The following UTRN variants were observed in gnomAD, a reference collection of about 807,000 sequenced individuals.
The protein encoded by UTRN is dystrophin-related protein 1.
In UTRN, 283 loss-of-function variants were observed where a neutral mutation model predicts 463.9. The observed-to-expected ratio is 0.61, with a 90% CI of 0.55 to 0.67. The LOEUF is 0.67. Ranked by LOEUF, UTRN falls within the 30% of genes least tolerant of loss-of-function variation. The pLI is 0.00. For synonymous variants in UTRN, 1,442 were observed against 1,431.5 expected (o/e 1.01, Z -0.17); for missense variants, 3,922 against 4,084.3 (o/e 0.96, Z 1.08).
intron 2 of UTRN, among the ~76,000 whole-genome samples, chr6:144,305,423 C>A (rs1020214319): frequency 6.6e-6 from 1 of 152,116 alleles, no homozygotes; most frequent in African/African-American, 2.4e-5. Flanking sequence ...TCAGTTTTAT[C>A]TATAATATTT....
chr6:144,312,544 T>TA (rs1161964406), intron 2 of UTRN, among the ~76,000 whole-genome samples: 1 of 152,234 alleles, frequency 6.6e-6, no homozygotes, highest in African/African-American at 2.4e-5. Context: ...AATAAGCATG[T>TA]AAAAATAGTT....
At chr6:144,623,050 A>T (rs952226426) in intron 51 of UTRN, among the ~76,000 whole-genome samples, 24 of 152,186 alleles carry the variant, frequency 1.6e-4, no homozygotes, top group Admixed American at 3.3e-4. Context: ...TTATAAAGGA[A>T]TCTCCTAGAT....
intron 48 of UTRN, among the ~76,000 whole-genome samples, chr6:144,552,611 T>C (rs1267047240): frequency 2.0e-5 from 3 of 152,352 alleles, no homozygotes; most frequent in African/African-American, 7.2e-5. Context: ...TTTCTCTCTA[T>C]ATATAAATAT....
intron 58 of UTRN, among the ~76,000 whole-genome samples, chr6:144,759,737 A>G (rs144119288): frequency 6.6e-6 from 1 of 152,270 alleles, no homozygotes; most frequent in African/African-American, 2.4e-5. Flanking sequence ...CATGATCCTT[A>G]AATGCAGGCA....
chr6:144,473,907 T>C (rs1043468805), intron 24 of UTRN, 74 bp downstream of exon 24: 37 of 1,095,584 alleles, frequency 3.4e-5, no homozygotes, highest in Non-Finnish European at 5.0e-5. Context: ...GCTGCTATTA[T>C]TAAAATTGTG....
intron 22 of UTRN, 32 bp downstream of exon 22, chr6:144,461,374 C>A (rs149911545): frequency 1.4e-6 from 2 of 1,450,732 alleles, no homozygotes; most frequent in Non-Finnish European, 1.8e-6. Flanking sequence ...AGAACTCTAG[C>A]GCTTCTTCTA....
intron 2 of UTRN, among the ~76,000 whole-genome samples, chr6:144,396,822 T>G (rs1313003481): frequency 6.6e-6 from 1 of 152,192 alleles, no homozygotes; most frequent in African/African-American, 2.4e-5. Flanking sequence ...GGTAAGTCCT[T>G]GACCTCTCTG....
chr6:144,574,046 T>C (rs1562593318), intron 50 of UTRN, among the ~76,000 whole-genome samples: 1 of 152,096 alleles, frequency 6.6e-6, no homozygotes, highest in Non-Finnish European at 1.5e-5. Flanking sequence ...TGTGGTAGGA[T>C]TGTGATAAAT....
intron 69 of UTRN, among the ~76,000 whole-genome samples, chr6:144,830,729 GT>G (rs78932581): frequency 2.8e-5 from 4 of 140,806 alleles, no homozygotes; most frequent in East Asian, 2.1e-4. Flanking sequence ...TTTGTTTTTT[GT>G]TTTTTTTTTG....
At chr6:144,450,132 G>T (rs1213920333) in intron 17 of UTRN, among the ~76,000 whole-genome samples, 4 of 152,094 alleles carry the variant, frequency 2.6e-5, no homozygotes, top group Admixed American at 2.6e-4. Context: ...GACTCCCGTT[G>T]CTTTCACAGC....
chr6:144,770,360 G>A lies in UTRN; in HGVS notation c.8496-1547G>A, dbSNP rs190894148. ...GATGATATTCTTTTCCCAGTGACATGCCCCAGTTTTTGATATATTACATAG... is the reference window on the plus strand; with the variant it reads ...GATGATATTCTTTTCCCAGTGACATACCCCAGTTTTTGATATATTACATAG... On this transcript the variant is annotated intron_variant, in intron 58 of 74. Coordinates refer to ENST00000367545, the MANE Select transcript of UTRN (RefSeq NM_007124.3). Among the ~76,000 whole-genome samples, 285 of 152,218 alleles carry A rather than the reference G, an allele frequency of 1.9e-3. 1 individual carries two copies. The highest frequency in any genetic ancestry group is 2.5e-3 in the Non-Finnish European group (171 of 68,004).
rs997756673 is a variant in UTRN, at chr6:144,851,105, C to T, written c.*108C>T. 9.2e-6 allele frequency: 13 copies of T among 1,406,030 alleles called. No homozygotes were observed. Among genetic ancestry groups the T allele is most frequent in the Middle Eastern group, 3.5e-4 (2 of 5,668 alleles). 87.1% of individuals were successfully genotyped at this position (1,406,030 alleles called of 1,614,324 possible). ...AGAAGCTCCATGGCTCCTTGGCCCA[C>T]GATGTTGAGTGCTGACTGTGTGTTC... On this transcript the variant is annotated 3_prime_UTR_variant, in exon 75 of 75. Coordinates refer to ENST00000367545, the MANE Select transcript of UTRN (RefSeq NM_007124.3).
chr6:144,649,376 G>A (rs144428601), intron 51 of UTRN, among the ~76,000 whole-genome samples: 126 of 152,242 alleles, frequency 8.3e-4, no homozygotes, highest in African/African-American at 2.9e-3. Context: ...TACCATTGCC[G>A]CTGGTTGTAT....
Position 144,554,783 on chromosome 6 carries a change from G to T in UTRN, c.7024G>T (p.Asp2342Tyr), listed in dbSNP as rs1273750692. The change falls in exon 49 of 75, where the codon GAT becomes TAT. Residue 2342 changes from aspartate to tyrosine, a missense_variant. By Grantham distance (160) the Asp-to-Tyr change is radical (BLOSUM62 -3). Around this residue, in one of 3 missense-constraint regions of UTRN, gnomAD observed 1,309 missense variants for 1,452.6 expected, o/e 0.90. Coordinates refer to ENST00000367545, the MANE Select transcript of UTRN (RefSeq NM_007124.3). ...CATGATTATTGACAGTCTTCAGTGG[G>T]ATGACCATAGGGAGGAGACTGAAGA... ...EDMIIDSLQW[D>Y]DHREETEELM... is the part of the protein sequence containing the mutation. The T allele has an allele frequency of 6.2e-6, 10 of 1,613,928 alleles. No homozygotes were observed. Among genetic ancestry groups the T allele is most frequent in the East Asian group, 2.2e-5 (1 of 44,872 alleles).
At chr6:144,821,702 G>A (rs1779621247) in intron 66 of UTRN, among the ~76,000 whole-genome samples, 1 of 152,024 alleles carries the variant, frequency 6.6e-6, no homozygotes, top group Non-Finnish European at 1.5e-5. Context: ...GAAAAAAAAT[G>A]TTTTTCAATG....
intron 51 of UTRN, among the ~76,000 whole-genome samples, chr6:144,628,725 AT>A (rs1184067314): frequency 1.3e-5 from 2 of 152,180 alleles, no homozygotes; most frequent in Non-Finnish European, 2.9e-5. Flanking sequence ...GTATGTGACT[AT>A]TAAGGGTTCT....
chr6:144,827,325 G>T (rs1780272092), intron 66 of UTRN, 23 bp from the exon 67 acceptor site: 2 of 1,612,764 alleles, frequency 1.2e-6, no homozygotes, highest in South Asian at 2.2e-5. Flanking sequence ...TGTGACTTTT[G>T]TCTCCCTCTC....
At chr6:144,617,507 G>C (rs1337545585) in intron 51 of UTRN, among the ~76,000 whole-genome samples, 8 of 152,148 alleles carry the variant, frequency 5.3e-5, no homozygotes, top group Admixed American at 3.3e-4. Context: ...GATCTGCTGA[G>C]GTTATGTTTA....
At chr6:144,781,208 G>C (rs1488780008) in intron 60 of UTRN, among the ~76,000 whole-genome samples, 2 of 152,298 alleles carry the variant, frequency 1.3e-5, no homozygotes, top group African/African-American at 4.8e-5. Context: ...GGGCTGTCTA[G>C]TACTTCTTCT....
Sources: gnomAD v4.1 joint callset for allele counts (sites outside exome capture counted in the v4.1 genomes callset) on GRCh38, gnomAD v4.1.1 for gene constraint, gnomAD v4.1.1 regional missense constraint, MANE v1.5 for transcripts, NCBI Gene and HGNC (gene_info 2026-07-23, HGNC 2026-07-21) for gene names.